Variants in ABCC9 observed in about 807,000 individuals in gnomAD.
ABCC9 encodes ATP binding cassette subfamily C member 9, also known as ATP-binding cassette sub-family C member 9.
Under a neutral mutation model 188.3 loss-of-function variants are expected in ABCC9, and 95 were observed. That is an observed-to-expected ratio of 0.50 (90% CI 0.43 to 0.60). The LOEUF is 0.60. Ranked by LOEUF, ABCC9 falls within the 20% of genes least tolerant of loss-of-function variation. ABCC9 has a pLI of 0.00. For synonymous variants in ABCC9, 659 were observed against 652.7 expected (o/e 1.01, Z -0.15); for missense variants, 1,102 against 1,876.3 (o/e 0.59, Z 7.62).
intron 7 of ABCC9, among the ~76,000 whole-genome samples, chr12:21,913,665 A>G (rs1246612697): frequency 1.3e-5 from 2 of 152,188 alleles, no homozygotes; most frequent in Non-Finnish European, 2.9e-5. Context: ...GTATTCCTCA[A>G]AGAAATGCAA....
At chr12:21,915,514 A>ATATTTTTTTT in intron 7 of ABCC9, among the ~76,000 whole-genome samples, 154 bp downstream of exon 7, 3 of 3,522 alleles carry the variant, frequency 8.5e-4, no homozygotes, top group Non-Finnish European at 9.3e-4. Context: ...ATATATATAT[A>ATATTTTTTTT]TTTTTTTTTT....
intron 12 of ABCC9, among the ~76,000 whole-genome samples, chr12:21,900,234 C>T (rs1565462447): frequency 6.6e-6 from 1 of 152,232 alleles, no homozygotes; most frequent in Non-Finnish European, 1.5e-5. Context: ...TCCAGCAGAC[C>T]TGCAGCTGAG....
chr12:21,893,142 C>T (rs1398289696), intron 14 of ABCC9, among the ~76,000 whole-genome samples: 3 of 151,732 alleles, frequency 2.0e-5, no homozygotes, highest in African/African-American at 7.3e-5. Flanking sequence ...GGCAGTGTAT[C>T]ATCTAGTTTG....
At chr12:21,855,065 C>G (rs1219284446) in intron 22 of ABCC9, among the ~76,000 whole-genome samples, 1 of 152,098 alleles carries the variant, frequency 6.6e-6, no homozygotes, top group African/African-American at 2.4e-5. Flanking sequence ...GCTTCTGATT[C>G]CATTAAAACC....
chr12:21,819,905 C>G (rs1942930456), intron 31 of ABCC9, among the ~76,000 whole-genome samples: 1 of 152,144 alleles, frequency 6.6e-6, no homozygotes, highest in Admixed American at 6.5e-5. Context: ...ATTGCCTCTT[C>G]TGATGTATCC....
intron 10 of ABCC9, among the ~76,000 whole-genome samples, chr12:21,908,992 T>A (rs1948184762): frequency 6.6e-6 from 1 of 151,904 alleles, no homozygotes. Context: ...TTCAAGTATA[T>A]AATTTATGCC....
intron 15 of ABCC9, among the ~76,000 whole-genome samples, chr12:21,883,282 G>A (rs986413241): frequency 3.9e-5 from 6 of 152,302 alleles, no homozygotes; most frequent in Admixed American, 6.5e-5. Flanking sequence ...TGGCTGTTGC[G>A]GGAGGGACCT....
Position 21,806,013 on chromosome 12 carries a change from G to C in ABCC9, c.4497C>G (p.Thr1499=). ...KVVMTAFADR[T]VVTIAHRVHT... ...TCATACTTACAGCTATTGTCACCAC[G>C]GTCCGGTCTGCAAAGGCTGTCATTA... The change falls in exon 39 of 40, where the codon ACC becomes ACG. Residue 1499 remains threonine, a synonymous_variant. Coordinates refer to ENST00000261200, the MANE Select transcript of ABCC9 (RefSeq NM_020297.4). The C allele has an allele frequency of 2.5e-6, 4 of 1,613,572 alleles. No homozygotes were observed. Among genetic ancestry groups the C allele is most frequent in the Non-Finnish European group, 3.4e-6 (4 of 1,179,812 alleles).
chr12:21,856,342 A>C (rs1247325630), intron 22 of ABCC9, among the ~76,000 whole-genome samples: 1 of 152,118 alleles, frequency 6.6e-6, no homozygotes, highest in Non-Finnish European at 1.5e-5. Flanking sequence ...TTACAAGCTT[A>C]TGTTATTTAT....
intron 24 of ABCC9, among the ~76,000 whole-genome samples, chr12:21,850,660 A>G (rs959519908): frequency 3.3e-5 from 5 of 152,168 alleles, no homozygotes; most frequent in Non-Finnish European, 7.3e-5. Context: ...TTGAGCCAAC[A>G]GCTCTCTTTA....
rs948127472 is a variant in ABCC9, at chr12:21,927,284, A to T, written c.285-1221T>A. 5.6e-4 allele frequency among the ~76,000 whole-genome samples: 86 copies of T among 152,218 alleles called. 2 individuals carry two copies. Among genetic ancestry groups the T allele is most frequent in the Non-Finnish European group, 1.2e-3 (83 of 68,030 alleles). On this transcript the variant is annotated intron_variant, in intron 4 of 39. Coordinates refer to ENST00000261200, the MANE Select transcript of ABCC9 (RefSeq NM_020297.4). ...GGAAAACTGAAACACTTGAATAGGT[A>T]AGCGGTATGATCAGATTTGTTTTAA... is the stretch of plus-strand genomic sequence containing the variant.
At chr12:21,873,050 G>T (rs1281227788) in intron 17 of ABCC9, among the ~76,000 whole-genome samples, 1 of 151,844 alleles carries the variant, frequency 6.6e-6, no homozygotes, top group Non-Finnish European at 1.5e-5. Flanking sequence ...GGGCAGTTTT[G>T]ATGAAAATAA....
At chr12:21,814,820 T>C (rs1331112266) in intron 34 of ABCC9, 98 bp from the exon 35 acceptor site, 1 of 899,004 alleles carries the variant, frequency 1.1e-6, no homozygotes, top group Non-Finnish European at 1.8e-6. Flanking sequence ...ATGATAAAAC[T>C]GTAATTATGT....
At position 21,876,184 on chromosome 12, in the gene ABCC9, G is replaced by C. The variant is rs76719435; in HGVS notation, c.2020-458C>G. On this transcript the variant is annotated intron_variant, in intron 16 of 39. Transcript: ENST00000261200. Reference sequence around the variant, plus strand: ...GTATAAATGAAAAATTAGAAAGAATGAAAGTGAAAGGAGGGTCTTTAAATT... The same window carrying C: ...GTATAAATGAAAAATTAGAAAGAATCAAAGTGAAAGGAGGGTCTTTAAATT... Among the ~76,000 whole-genome samples the C allele has an allele frequency of 2.2e-3, 336 of 152,302 alleles. 2 individuals are homozygous for C. The highest frequency in any genetic ancestry group is 7.6e-3 in the African/African-American group (314 of 41,572).
At chr12:21,866,628 G>A (rs1945796744) in intron 18 of ABCC9, among the ~76,000 whole-genome samples, 1 of 152,138 alleles carries the variant, frequency 6.6e-6, no homozygotes, top group Non-Finnish European at 1.5e-5. Context: ...TAAATGGTGT[G>A]CAACAAATAT....
rs970990113 is a variant in ABCC9 at position 21,941,351 on chromosome 12, G to A, written c.-288C>T. On this transcript the variant is annotated 5_prime_UTR_variant, in exon 1 of 40. Transcript: ENST00000261200. The surrounding 1 kb of genome is among the most constrained non-coding windows in gnomAD (Gnocchi z 5.4). ...GGGCAGACACCGCGGCTGAGAAGCAGGAAACTGGGCAGAAGCCCCGCGCGC... is the reference window on the plus strand; with the variant it reads ...GGGCAGACACCGCGGCTGAGAAGCAAGAAACTGGGCAGAAGCCCCGCGCGC... The A allele has an allele frequency of 1.3e-5, 2 of 152,438 alleles. No homozygotes were observed. The highest frequency in any genetic ancestry group is 2.9e-5 in the Non-Finnish European group (2 of 68,202). The allele number at this position is 152,438 out of a possible 1,614,324, so 9.4% of individuals were successfully genotyped here. A position where few individuals can be genotyped will look rare whatever the true frequency, so the allele number is the denominator to read the frequency against.
chr12:21,867,129 A>G (rs2137544694), intron 18 of ABCC9, among the ~76,000 whole-genome samples: 1 of 152,256 alleles, frequency 6.6e-6, no homozygotes, highest in South Asian at 2.1e-4. Flanking sequence ...TTTGTAGGTA[A>G]TCATCTTCCA....
At chr12:21,890,754 C>T (rs558731426) in intron 14 of ABCC9, among the ~76,000 whole-genome samples, 7 of 146,544 alleles carry the variant, frequency 4.8e-5, no homozygotes, top group Non-Finnish European at 1.0e-4. Flanking sequence ...CTCACTCATA[C>T]GTGGGAATTG....
Position 21,809,862 on chromosome 12 carries a change from A to AG in ABCC9, c.4304dup (p.Gly1436TrpfsTer9). On this transcript the variant is annotated frameshift_variant, in exon 37 of 40. Transcript: ENST00000261200. LOFTEE classifies it high-confidence loss of function. ...ATTTAGGAAATATACCTAGACCTCCAGGTAGAGATTTGACCATATTCTTCA... is the reference window on the plus strand; with the variant it reads ...ATTTAGGAAATATACCTAGACCTCCAGGGTAGAGATTTGACCATATTCTTCA... 6.2e-7 allele frequency: 1 copy of AG among 1,601,684 alleles called. No individual in the cohort carries two copies.
Sources: allele counts gnomAD v4.1 joint callset (sites outside exome capture counted in the v4.1 genomes callset), GRCh38; gene constraint gnomAD v4.1.1; non-coding constraint Gnocchi (gnomAD v3.1); transcripts MANE v1.5; gene names NCBI Gene and HGNC (gene_info 2026-07-23, HGNC 2026-07-21).